Variants in SVIL observed in about 807,000 individuals in gnomAD.
SVIL encodes the protein supervillin.
SVIL carries 101 observed loss-of-function variants against 240.4 expected under a neutral mutation model. The observed-to-expected ratio is 0.42, with a 90% CI of 0.36 to 0.50. The LOEUF is 0.50. Among genes scored for constraint, SVIL ranks in the 20% least tolerant of loss-of-function variants. The probability of loss-of-function intolerance (pLI) is 0.01; values close to 1 mark genes in which losing one functional copy is unlikely to be tolerated. For missense variants in SVIL, 2,512 were observed against 2,818.7 expected (o/e 0.89, Z 2.46); for synonymous variants, 999 against 1,100.0 (o/e 0.91, Z 1.82).
chr10:29,515,762 A>G (rs1160016809), intron 16 of SVIL, among the ~76,000 whole-genome samples: 2 of 152,194 alleles, frequency 1.3e-5, no homozygotes, highest in African/African-American at 4.8e-5. Flanking sequence ...GACCTTCTCA[A>G]AAAGAAGCTC....
At chr10:29,480,473 T>G (rs2132350709) in intron 29 of SVIL, 64 bp downstream of exon 29, 2 of 1,582,484 alleles carry the variant, frequency 1.3e-6, no homozygotes, top group East Asian at 4.5e-5. Context: ...TTGGAGAAGC[T>G]GGCTCCCGCA....
intron 1 of SVIL, among the ~76,000 whole-genome samples, chr10:29,629,574 G>A (rs925603465): frequency 6.6e-6 from 1 of 152,118 alleles, no homozygotes; most frequent in Non-Finnish European, 1.5e-5. Context: ...TTCAAATCCA[G>A]CTGGATTTGG....
chr10:29,618,653 G>T (rs1957514875), intron 1 of SVIL, among the ~76,000 whole-genome samples: 1 of 152,086 alleles, frequency 6.6e-6, no homozygotes, highest in Admixed American at 6.5e-5. Flanking sequence ...CTTTTCAGAG[G>T]CAATAGGCTC....
intron 1 of SVIL, among the ~76,000 whole-genome samples, chr10:29,627,074 A>T (rs1299964374): frequency 1.3e-5 from 2 of 151,976 alleles, no homozygotes; most frequent in Non-Finnish European, 2.9e-5. Flanking sequence ...AATAATAAGA[A>T]TCAAAGACAA....
intron 16 of SVIL, among the ~76,000 whole-genome samples, chr10:29,513,291 C>G (rs1949983946): frequency 6.6e-6 from 1 of 152,216 alleles, no homozygotes; most frequent in Admixed American, 6.5e-5. Flanking sequence ...ATAAAGCTGG[C>G]CAGGCACGGT....
intron 1 of SVIL, among the ~76,000 whole-genome samples, chr10:29,596,189 G>A (rs779350026): frequency 6.6e-6 from 1 of 152,208 alleles, no homozygotes; most frequent in Non-Finnish European, 1.5e-5. Flanking sequence ...TTCCCTTCCT[G>A]GATGGGCGCA....
At chr10:29,529,627 T>G in intron 12 of SVIL, 78 bp downstream of exon 12, 1 of 1,457,788 alleles carries the variant, frequency 6.9e-7, no homozygotes. Flanking sequence ...ATGCCTCATT[T>G]TCATTGAACA....
At chr10:29,550,052 A>G (rs1175275885) in intron 6 of SVIL, among the ~76,000 whole-genome samples, 4 of 123,362 alleles carry the variant, frequency 3.2e-5, no homozygotes, top group African/African-American at 3.0e-5. Context: ...TACGAAGAAA[A>G]GAAAAAGAAA....
chr10:29,488,425 G>C (rs1947634251), intron 23 of SVIL, among the ~76,000 whole-genome samples, 176 bp downstream of exon 23: 1 of 152,082 alleles, frequency 6.6e-6, no homozygotes, highest in South Asian at 2.1e-4. Flanking sequence ...CCTATGTCAT[G>C]GGATTTGGGG....
rs373984281 is a variant in SVIL, at chr10:29,550,714, G to T, written c.710C>A (p.Ser237Tyr). Residue 237 changes from serine (S) to tyrosine (Y), a missense_variant, in exon 6 of 38, where the codon TCC becomes TAC. Transcript: ENST00000355867. ...GGACCGTGGCACTTCAGTGAAGGAG[G>T]AGTCTCGCCCAGAGAAAGAGAAGGT... ...SSTFSFSGRDSSFTEVPRSPK... is the reference protein window; with the variant it reads ...SSTFSFSGRDYSFTEVPRSPK... The T allele has an allele frequency of 5.6e-6, 9 of 1,614,052 alleles. No individual in the cohort carries two copies. The highest frequency in any genetic ancestry group is 7.6e-6 in the Non-Finnish European group (9 of 1,180,040).
intron 18 of SVIL, among the ~76,000 whole-genome samples, chr10:29,495,712 G>A (rs1237639480): frequency 3.3e-5 from 5 of 152,198 alleles, no homozygotes; most frequent in South Asian, 2.1e-4. Flanking sequence ...CCGACTGTGC[G>A]TGTTGGAAGT....
intron 1 of SVIL, among the ~76,000 whole-genome samples, chr10:29,724,963 A>T (rs77708760): frequency 7.8e-6 from 1 of 127,490 alleles, no homozygotes; most frequent in Non-Finnish European, 1.6e-5. Flanking sequence ...CAGGAGGCAG[A>T]GGTTGCGGTG....
intron 24 of SVIL, among the ~76,000 whole-genome samples, 188 bp downstream of exon 24, chr10:29,486,975 G>C (rs545427751): frequency 6.6e-6 from 1 of 152,240 alleles, no homozygotes; most frequent in African/African-American, 2.4e-5. Flanking sequence ...TAGTCCTAAA[G>C]TATCCCATTT....
chr10:29,704,167 T>G lies in SVIL; in HGVS notation c.-399-17516A>C, dbSNP rs529016369. 1.1e-4 allele frequency among the ~76,000 whole-genome samples: 16 copies of G among 152,260 alleles called. No homozygotes were observed. In the East Asian group the frequency reaches 3.1e-3, roughly 30 times the overall value. ...ACTGGTACTTCCTGCTCCAGTGGGC[T>G]GGGCGCCTCAGCCTACCATGCTCAA... On this transcript the variant is annotated intron_variant, in intron 1 of 35. Transcript: ENST00000375400.
intron 1 of SVIL, among the ~76,000 whole-genome samples, chr10:29,592,702 C>T (rs1362317999): frequency 1.3e-5 from 2 of 152,144 alleles, no homozygotes; most frequent in African/African-American, 2.4e-5. Flanking sequence ...AGGTGAACTT[C>T]GTTAGGTAAA....
chr10:29,547,788 TCTCA>T (rs1263483414), intron 6 of SVIL, among the ~76,000 whole-genome samples: 1 of 152,200 alleles, frequency 6.6e-6, no homozygotes, highest in Non-Finnish European at 1.5e-5. Flanking sequence ...CTTCAACAGC[TCTCA>T]TCATGTGGCA....
In SVIL at chr10:29,554,801, G is replaced by T. The variant is rs1266799653; in HGVS notation, c.142C>A (p.Pro48Thr). ...DTPRYMRASD[P>T]ASPHIGRSNE... The stretch of plus-strand genomic sequence containing the variant: ...CGCTCACCGATGTGGGGGCTGGCAG[G>T]GTCGCTGGCTCTCATGTATCGAGGG... The change falls in exon 5 of 38, where the codon CCT (proline) becomes ACT (threonine). Residue 48 changes from proline to threonine, a missense_variant. Coordinates refer to ENST00000355867, the MANE Select transcript of SVIL (RefSeq NM_021738.3). 1 of 1,605,006 alleles carries T rather than the reference G, an allele frequency of 6.2e-7. No homozygotes were observed. The highest frequency in any genetic ancestry group is 8.5e-7 in the Non-Finnish European group (1 of 1,176,004).
At position 29,480,773 on chromosome 10, in the gene SVIL, C is replaced by G. The variant is rs777835554; in HGVS notation, c.5141G>C (p.Arg1714Pro). The G allele has an allele frequency of 5.0e-6, 8 of 1,613,226 alleles. No individual in the cohort carries two copies. The highest frequency in any genetic ancestry group is 6.8e-6 in the Non-Finnish European group (8 of 1,179,960). ...TGTCGTCTGGGGCATGGACACCATC[C>G]GTGTCACATCGTATGCCTTGACATC... ...RTDVKAYDVTRMVSMPQTTAG... is the reference protein window; with the variant it reads ...RTDVKAYDVTPMVSMPQTTAG... Residue 1714 changes from arginine to proline, a missense_variant, in exon 29 of 38, where the codon CGG becomes CCG. Transcript: ENST00000355867.
chr10:29,733,924 A>T (rs1276138519), intron 1 of SVIL, among the ~76,000 whole-genome samples: 1 of 152,228 alleles, frequency 6.6e-6, no homozygotes, highest in African/African-American at 2.4e-5. Context: ...TGGATCCCTC[A>T]AAGAAATTCT....
Sources: gnomAD v4.1 joint callset for allele counts (sites outside exome capture counted in the v4.1 genomes callset) on GRCh38, gnomAD v4.1.1 for gene constraint, MANE v1.5 for transcripts, NCBI Gene and HGNC (gene_info 2026-07-23, HGNC 2026-07-21) for gene names.